P3H2: variants seen among roughly 807,000 people sequenced by gnomAD.
P3H2 encodes the protein prolyl 3-hydroxylase 2.
A neutral mutation model predicts 87.0 loss-of-function variants in P3H2; 80 were observed. That is an observed-to-expected ratio of 0.92 (90% CI 0.77 to 1.11). The LOEUF (loss-of-function observed/expected upper bound fraction) is 1.11, where lower values mean the gene tolerates loss of function less well. P3H2 is among the 50% of genes least tolerant of loss of function. The pLI, the probability that P3H2 is intolerant of heterozygous loss-of-function variation, is 0.00. For missense variants in P3H2, 1,001 were observed against 923.9 expected (o/e 1.08, Z -1.08); for synonymous variants, 367 against 359.3 (o/e 1.02, Z -0.24).
intron 1 of P3H2, among the ~76,000 whole-genome samples, chr3:190,084,523 T>C (rs1727148106): frequency 7.9e-5 from 12 of 152,200 alleles, no homozygotes; most frequent in Admixed American, 7.9e-4. Flanking sequence ...GTGTGGATAT[T>C]GTAAAAGCTG....
intron 1 of P3H2, among the ~76,000 whole-genome samples, chr3:190,026,988 T>C (rs1435803246): frequency 6.6e-6 from 1 of 152,230 alleles, no homozygotes; most frequent in East Asian, 1.9e-4. Flanking sequence ...AAAACATAAC[T>C]GCCTTCTACA....
intron 2 of P3H2, among the ~76,000 whole-genome samples, chr3:189,994,985 T>C (rs571296968): frequency 6.6e-6 from 1 of 152,226 alleles, no homozygotes; most frequent in East Asian, 1.9e-4. Flanking sequence ...GAGAATTATA[T>C]GATGTTCTAG....
chr3:190,023,892 G>A (rs557088549), intron 1 of P3H2, among the ~76,000 whole-genome samples: 32 of 152,312 alleles, frequency 2.1e-4, no homozygotes, highest in African/African-American at 7.5e-4. Context: ...AAGGCAACAT[G>A]ATGTCCAGAA....
In P3H2 at chr3:190,012,966, C is replaced by T. The variant is rs138128165; in HGVS notation, c.481-17524G>A. 2.6e-4 allele frequency among the ~76,000 whole-genome samples: 39 copies of T among 152,256 alleles called. No individual in the cohort carries two copies. In the Middle Eastern group the frequency reaches 0.014, roughly 53 times the overall value. On this transcript the variant is annotated intron_variant, in intron 1 of 14. Coordinates refer to ENST00000319332, the MANE Select transcript of P3H2 (RefSeq NM_018192.4). The stretch of plus-strand genomic sequence containing the variant: ...GTGTCTCTATGTGCCTCCGATTGAT[C>T]GTTGTATTCCCAGTGACTAACTCTT...
Position 190,114,206 on chromosome 3 carries a change from C to T in P3H2, c.480+6046G>A, listed in dbSNP as rs188718950. On this transcript the variant is annotated intron_variant, in intron 1 of 14. Coordinates refer to ENST00000319332, the MANE Select transcript of P3H2 (RefSeq NM_018192.4). The stretch of plus-strand genomic sequence containing the variant: ...TTATTATTATTTTTTTTTTTTGAGG[C>T]GGAGTCTTGCTCTGTCGCCCAGGCT... Among the ~76,000 whole-genome samples, 124 of 141,394 alleles carry T rather than the reference C, an allele frequency of 8.8e-4. 2 individuals are homozygous for T. Among genetic ancestry groups the T allele is most frequent in the African/African-American group, 2.8e-3 (109 of 38,384 alleles). The allele number at this position is 141,394 out of a possible 152,430, so 92.8% of individuals were successfully genotyped here.
At chr3:189,976,262 T>C (rs1326611282) in intron 8 of P3H2, among the ~76,000 whole-genome samples, 1 of 152,214 alleles carries the variant, frequency 6.6e-6, no homozygotes, top group African/African-American at 2.4e-5. Flanking sequence ...TATCAGTCCA[T>C]TTTCTTGCTG....
At chr3:190,041,068 ACACACACACACACTCT>A (rs1265622575) in intron 1 of P3H2, among the ~76,000 whole-genome samples, 563 of 51,276 alleles carry the variant, frequency 0.011, 27 homozygotes, top group South Asian at 0.028. Context: ...ACACACACAC[ACACACACACACACTCT>A]CTCTCTCTAT....
At chr3:190,092,623 G>T (rs954344005) in intron 1 of P3H2, among the ~76,000 whole-genome samples, 2 of 152,126 alleles carry the variant, frequency 1.3e-5, no homozygotes, top group Non-Finnish European at 2.9e-5. Context: ...CTTATTAAGA[G>T]GATTATTCTT....
chr3:190,113,921 C>CA (rs1712171037), intron 1 of P3H2, among the ~76,000 whole-genome samples: 1 of 151,588 alleles, frequency 6.6e-6, no homozygotes, highest in South Asian at 2.1e-4. Flanking sequence ...ACTAAAAATA[C>CA]AAAAAGAAAT....
intron 1 of P3H2, among the ~76,000 whole-genome samples, chr3:190,030,002 CA>C (rs11324089): frequency 0.62 from 81,868 of 133,014 alleles, 24,508 homozygotes; most frequent in Admixed American, 0.72. Flanking sequence ...AACTCCGTCT[CA>C]AAAAAAAAAA....
chr3:189,991,097 C>T (rs967284762), intron 3 of P3H2, among the ~76,000 whole-genome samples: 1 of 152,166 alleles, frequency 6.6e-6, no homozygotes, highest in African/African-American at 2.4e-5. Context: ...AAGAATCTGC[C>T]ATTCCCAAAT....
intron 1 of P3H2, among the ~76,000 whole-genome samples, chr3:190,034,219 GAATAA>G (rs1281496022): frequency 4.6e-5 from 7 of 151,514 alleles, no homozygotes; most frequent in Non-Finnish European, 7.4e-5. Flanking sequence ...AATCACATAT[GAATAA>G]TTGTTCCTCA....
At chr3:189,983,015 C>A in intron 8 of P3H2, 31 bp downstream of exon 8, 1 of 1,543,044 alleles carries the variant, frequency 6.5e-7, no homozygotes, top group Non-Finnish European at 9.0e-7. Context: ...CCTTCCCCTC[C>A]TTTATAGGGT....
At chr3:189,987,498 A>AG (rs377728027) in intron 5 of P3H2, 29 bp downstream of exon 5, 125 of 1,576,122 alleles carry the variant, frequency 7.9e-5, no homozygotes, top group Non-Finnish European at 9.8e-5. Flanking sequence ...AAAAAAAAAA[A>AG]GAATTTCTTT....
At position 189,957,726 on chromosome 3, in the gene P3H2, A is replaced by AGAG. The variant is rs1560334604; in HGVS notation, c.*185_*186insCTC. Reference sequence around the variant, plus strand: ...AGAGAGAGAGAGAGAGAGAGAGAGAAAACAACCCAAAACAAGAAAGATAGA... The same window carrying AGAG: ...AGAGAGAGAGAGAGAGAGAGAGAGAAGAGAACAACCCAAAACAAGAAAGATAGA... On this transcript the variant is annotated 3_prime_UTR_variant, in exon 15 of 15. Coordinates refer to ENST00000319332, the MANE Select transcript of P3H2 (RefSeq NM_018192.4). 5.7e-6 allele frequency: 3 copies of AGAG among 528,278 alleles called. No homozygotes were observed. The African/African-American group carries it at 6.3e-5, about 11-fold the overall frequency. The allele number at this position is 528,278 out of a possible 1,614,324, so 32.7% of individuals were successfully genotyped here. A position where few individuals can be genotyped will look rare whatever the true frequency, so the allele number is the denominator to read the frequency against.
At chr3:189,987,819 T>A in intron 4 of P3H2, 150 bp from the exon 5 acceptor site, 1 of 845,866 alleles carries the variant, frequency 1.2e-6, no homozygotes, top group Non-Finnish European at 1.9e-6. Flanking sequence ...GCAGAAACAG[T>A]CACAGATAAA....
At chr3:190,033,410 C>T (rs1204595928) in intron 1 of P3H2, among the ~76,000 whole-genome samples, 2 of 152,166 alleles carry the variant, frequency 1.3e-5, no homozygotes. Flanking sequence ...AGAGAGAAAT[C>T]TGTGAAAGAA....
chr3:189,987,704 C>A, intron 4 of P3H2, 35 bp from the exon 5 acceptor site: 2 of 1,613,612 alleles, frequency 1.2e-6, no homozygotes. Flanking sequence ...TTAGAGTCAG[C>A]CTAGGTCTGT....
intron 3 of P3H2, among the ~76,000 whole-genome samples, chr3:189,992,495 C>A (rs1241566360): frequency 6.6e-6 from 1 of 152,084 alleles, no homozygotes; most frequent in Non-Finnish European, 1.5e-5. Flanking sequence ...TTGAATGTTG[C>A]TTTTCATATA....
Sources: gnomAD v4.1 joint callset for allele counts (sites outside exome capture counted in the v4.1 genomes callset) on GRCh38, gnomAD v4.1.1 for gene constraint, MANE v1.5 for transcripts, NCBI Gene and HGNC (gene_info 2026-07-23, HGNC 2026-07-21) for gene names.